Variants in VPS13B observed in about 807,000 individuals in gnomAD.
VPS13B encodes the protein vacuolar protein sorting 13 homolog B.
In VPS13B, 285 loss-of-function variants were observed where a neutral mutation model predicts 426.4. The ratio of observed to expected loss-of-function variants is 0.67; its 90% CI spans 0.61 to 0.74. VPS13B has a LOEUF of 0.74. Among genes scored for constraint, VPS13B ranks in the 30% least tolerant of loss-of-function variants. VPS13B has a pLI of 0.00. For synonymous variants in VPS13B, 1,676 were observed against 1,676.4 expected (o/e 1.00, Z 0.01); for missense variants, 4,537 against 4,782.6 (o/e 0.95, Z 1.51).
chr8:99,852,232 C>T (rs1224370743), intron 55 of VPS13B, among the ~76,000 whole-genome samples: 1 of 152,174 alleles, frequency 6.6e-6, no homozygotes, highest in South Asian at 2.1e-4. Context: ...ACATGATAAG[C>T]TGAGATGTCA....
chr8:99,474,125 G>A (rs1819558395), intron 24 of VPS13B, among the ~76,000 whole-genome samples: 1 of 151,348 alleles, frequency 6.6e-6, no homozygotes, highest in Non-Finnish European at 1.5e-5. Flanking sequence ...ATAGCAGAAA[G>A]CCCGACATTT....
intron 29 of VPS13B, among the ~76,000 whole-genome samples, chr8:99,517,992 A>G (rs1822177985): frequency 6.6e-6 from 1 of 152,002 alleles, no homozygotes; most frequent in South Asian, 2.1e-4. Flanking sequence ...AATTATTTTA[A>G]TCTAGTTTAT....
At chr8:99,786,731 A>C (rs1452457545) in intron 43 of VPS13B, among the ~76,000 whole-genome samples, 1 of 152,200 alleles carries the variant, frequency 6.6e-6, no homozygotes, top group Non-Finnish European at 1.5e-5. Context: ...AATCTTCTTA[A>C]GACTAAAACC....
At chr8:99,242,404 A>G (rs574839877) in intron 17 of VPS13B, among the ~76,000 whole-genome samples, 1 of 152,368 alleles carries the variant, frequency 6.6e-6, no homozygotes, top group Non-Finnish European at 1.5e-5. Context: ...ATTGCTCAAC[A>G]AGAACTGTTT....
intron 21 of VPS13B, among the ~76,000 whole-genome samples, chr8:99,399,476 G>A (rs747259423): frequency 1.8e-4 from 27 of 152,054 alleles, no homozygotes; most frequent in Admixed American, 3.3e-4. Context: ...GATTGTAGCC[G>A]TAGACTTCAT....
chr8:99,682,775 CT>C (rs1279656618), intron 35 of VPS13B, among the ~76,000 whole-genome samples: 1 of 152,168 alleles, frequency 6.6e-6, no homozygotes, highest in African/African-American at 2.4e-5. Context: ...ACTCAAGGTC[CT>C]AGGGCTCTAT....
chr8:99,306,464 G>A (rs563717697), intron 19 of VPS13B, among the ~76,000 whole-genome samples: 3 of 151,990 alleles, frequency 2.0e-5, no homozygotes, highest in South Asian at 2.1e-4. Context: ...GAATATATAC[G>A]TAGTGGAACA....
intron 54 of VPS13B, among the ~76,000 whole-genome samples, chr8:99,839,508 A>G (rs991526319): frequency 6.6e-6 from 1 of 152,226 alleles, no homozygotes; most frequent in African/African-American, 2.4e-5. Flanking sequence ...TCTAAGGGCA[A>G]TAAGTTTTAT....
chr8:99,519,278 T>C (rs1007193704), intron 29 of VPS13B, among the ~76,000 whole-genome samples: 10 of 152,186 alleles, frequency 6.6e-5, no homozygotes, highest in East Asian at 3.9e-4. Flanking sequence ...GTTAGAATGG[T>C]GATCATTAAA....
At chr8:99,266,569 C>T (rs1299650300) in intron 17 of VPS13B, among the ~76,000 whole-genome samples, 1 of 152,144 alleles carries the variant, frequency 6.6e-6, no homozygotes, top group Non-Finnish European at 1.5e-5. Context: ...ATAATTCCCA[C>T]ATGTCACGGG....
intron 33 of VPS13B, among the ~76,000 whole-genome samples, chr8:99,631,024 G>T (rs985593028): frequency 6.6e-6 from 1 of 152,086 alleles, no homozygotes; most frequent in Non-Finnish European, 1.5e-5. Flanking sequence ...TTTGGTAAAA[G>T]ACATTAAAAA....
intron 17 of VPS13B, among the ~76,000 whole-genome samples, chr8:99,224,889 A>G (rs1028953386): frequency 2.0e-5 from 3 of 152,090 alleles, no homozygotes; most frequent in South Asian, 2.1e-4. Flanking sequence ...CTTAGATTCA[A>G]AGTTCCTCCC....
At chr8:99,662,000 C>A (rs1236278400) in intron 35 of VPS13B, among the ~76,000 whole-genome samples, 1 of 152,086 alleles carries the variant, frequency 6.6e-6, no homozygotes, top group African/African-American at 2.4e-5. Flanking sequence ...ATACAGATAT[C>A]AAAAATTTTT....
At chr8:99,496,772 G>GTA (rs978195274) in intron 25 of VPS13B, among the ~76,000 whole-genome samples, 2 of 151,978 alleles carry the variant, frequency 1.3e-5, no homozygotes, top group African/African-American at 4.8e-5. Flanking sequence ...TTCATAACCT[G>GTA]TATGTCTTTG....
rs1360770292 is a variant in VPS13B, at chr8:99,066,235, TA to T, written c.291+27670del. Reference sequence around the variant, plus strand: ...AAGAACAAAGCTGGAGGTATCACGCTACCTGACTTCCAACTATCCTACAAGG... The same window carrying T: ...AAGAACAAAGCTGGAGGTATCACGCTCCTGACTTCCAACTATCCTACAAGG... On this transcript the variant is annotated intron_variant, in intron 3 of 61. Transcript: ENST00000357162. Among the ~76,000 whole-genome samples, 67 of 152,346 alleles carry T rather than the reference TA, an allele frequency of 4.4e-4. No individual in the cohort carries two copies. In the Middle Eastern group the frequency reaches 0.017, roughly 39 times the overall value.
intron 22 of VPS13B, among the ~76,000 whole-genome samples, chr8:99,435,251 A>G (rs144500091): frequency 5.3e-5 from 8 of 152,326 alleles, no homozygotes; most frequent in African/African-American, 1.7e-4. Context: ...TTAGTTGTTT[A>G]AAGTTTACTA....
At chr8:99,373,737 G>C (rs969772122) in intron 19 of VPS13B, among the ~76,000 whole-genome samples, 2 of 152,066 alleles carry the variant, frequency 1.3e-5, no homozygotes, top group East Asian at 3.9e-4. Context: ...TGGCACCCCT[G>C]AGCCTGAGAT....
Position 99,121,319 on chromosome 8 carries a change from C to T in VPS13B, c.1080C>T (p.Asp360=), listed in dbSNP as rs755878394. 22 of 1,613,952 alleles carry T rather than the reference C, an allele frequency of 1.4e-5. No individual in the cohort carries two copies. The highest frequency in any genetic ancestry group is 5.5e-5 in the South Asian group (5 of 91,064). The change falls in exon 8 of 62, where the codon GAC becomes GAT. Residue 360 remains aspartate, a synonymous_variant. Coordinates refer to ENST00000357162, the MANE Select transcript of VPS13B (RefSeq NM_152564.5). ...TTGTGCCTGCAATTGTGAGTTATGA[C>T]GATGGCGAGGAAGACTTTGTTGGGA... ...WSFVPAIVSY[D]DGEEDFVGND...
chr8:99,190,969 A>G (rs1343353909), intron 16 of VPS13B, among the ~76,000 whole-genome samples: 1 of 152,080 alleles, frequency 6.6e-6, no homozygotes, highest in East Asian at 1.9e-4. Context: ...TTTTTGTAGT[A>G]CAGATATGCT....
Sources: allele counts gnomAD v4.1 joint callset (sites outside exome capture counted in the v4.1 genomes callset), GRCh38; gene constraint gnomAD v4.1.1; transcripts MANE v1.5; gene names NCBI Gene and HGNC (gene_info 2026-07-23, HGNC 2026-07-21).